HSP90AA1: variants seen among roughly 807,000 people sequenced by gnomAD.
The protein encoded by HSP90AA1 is heat shock protein HSP 90-alpha.
HSP90AA1 carries 18 observed loss-of-function variants against 73.3 expected under a neutral mutation model. The observed-to-expected ratio is 0.25, with a 90% CI of 0.17 to 0.36. HSP90AA1 has a LOEUF of 0.36. Ranked by LOEUF, HSP90AA1 falls within the 10% of genes least tolerant of loss-of-function variation. The pLI is 1.00. For synonymous variants in HSP90AA1, 477 were observed against 296.9 expected, an observed-to-expected ratio of 1.61 and a Z score of -6.24; for missense variants, 704 against 874.2, an observed-to-expected ratio of 0.81 and a Z score of 2.45.
chr14:102,086,851 AAGCGCGGCCGCCCGGG>A (rs1294107601), intron 1 of HSP90AA1, 119 bp downstream of exon 1: 157 of 394,058 alleles, frequency 4.0e-4, no homozygotes, highest in Non-Finnish European at 5.3e-4. Context: ...CCGGAATAGA[AAGCGCGGCCGCCCGGG>A]AGCGCGGCCC....
At chr14:102,090,026 C>T (rs2049332757), upstream of HSP90AA1, among the ~76,000 whole-genome samples, 1 of 152,150 alleles carries the variant, frequency 6.6e-6, no homozygotes, top group South Asian at 2.1e-4. Context: ...TAGCTGACTT[C>T]CCATCCTTCT....
At chr14:102,100,931 G>A (rs1244458729) in intron 2 of HSP90AA1, among the ~76,000 whole-genome samples, 5 of 152,126 alleles carry the variant, frequency 3.3e-5, no homozygotes, top group Admixed American at 2.0e-4. Flanking sequence ...ATGGCGGGAC[G>A]GGCTCTAATG....
At chr14:102,087,241 G>C (rs1275988344), upstream of HSP90AA1, 3 of 853,408 alleles carry the variant, frequency 3.5e-6, no homozygotes, top group Non-Finnish European at 4.2e-6. Flanking sequence ...CTCGTGGCCC[G>C]GCCCGGGCAA....
chr14:102,123,269 C>T (rs915481034), intron 1 of HSP90AA1, among the ~76,000 whole-genome samples: 2 of 151,850 alleles, frequency 1.3e-5, no homozygotes, highest in South Asian at 4.2e-4. Flanking sequence ...GGTGGTAGGC[C>T]CCTGTAATCC....
rs1158421311 is a variant in HSP90AA1, at chr14:102,081,758, G to A, written c.2153C>T (p.Pro718Leu). ...TSAAVTEEMP[P>L]LEGDDDTSRM... ...TGATGTGTCGTCATCTCCTTCAAGGGGTGGCATTTCTTCAGTTACAGCAGC... is the reference window on the plus strand; with the variant it reads ...TGATGTGTCGTCATCTCCTTCAAGGAGTGGCATTTCTTCAGTTACAGCAGC... The change falls in exon 11 of 11, where the codon CCC becomes CTC. Residue 718 changes from proline (P) to leucine (L), a missense_variant. Transcript: ENST00000216281. 9 of 1,597,700 alleles carry A rather than the reference G, an allele frequency of 5.6e-6. No individual in the cohort carries two copies. The highest frequency in any genetic ancestry group is 7.7e-6 in the Non-Finnish European group (9 of 1,165,130).
At chr14:102,093,483 CAAAA>C (rs567516713) in intron 2 of HSP90AA1, among the ~76,000 whole-genome samples, 3 of 82,218 alleles carry the variant, frequency 3.6e-5, no homozygotes, top group African/African-American at 3.9e-5. Context: ...GACTCCGTCT[CAAAA>C]AAAAAAAAAA....
At chr14:102,131,717 GA>G (rs2049908883) in intron 1 of HSP90AA1, among the ~76,000 whole-genome samples, 1 of 152,124 alleles carries the variant, frequency 6.6e-6, no homozygotes, top group Admixed American at 6.5e-5. Flanking sequence ...CAACATATTT[GA>G]AACTGCAAAT....
intron 1 of HSP90AA1, among the ~76,000 whole-genome samples, chr14:102,118,383 AATGTCTCCCC>A (rs143449975): frequency 0.017 from 2,630 of 152,116 alleles, 81 homozygotes; most frequent in African/African-American, 0.061. Flanking sequence ...TGAGATTAAA[AATGTCTCCCC>A]TTCATTACTT....
rs146401154 is a variant in HSP90AA1, at chr14:102,134,453, C to G, written c.155+4797G>C. ...TCAGGAATTGGTGGGTTCTTGGTCTCACTGACTTCAAGAATGAAGCCGCGG... is the reference window on the plus strand; with the variant it reads ...TCAGGAATTGGTGGGTTCTTGGTCTGACTGACTTCAAGAATGAAGCCGCGG... On this transcript the variant is annotated intron_variant, in intron 1 of 11. Transcript: ENST00000334701. Among the ~76,000 whole-genome samples, 5 of 152,062 alleles carry G rather than the reference C, an allele frequency of 3.3e-5. No homozygotes were observed. The East Asian group carries it at 9.7e-4, about 29-fold the overall frequency.
At chr14:102,097,554 C>G (rs1016572534) in intron 2 of HSP90AA1, among the ~76,000 whole-genome samples, 1 of 152,062 alleles carries the variant, frequency 6.6e-6, no homozygotes, top group Non-Finnish European at 1.5e-5. Flanking sequence ...TGAGTCCCCC[C>G]AAGGGCAACC....
intron 1 of HSP90AA1, among the ~76,000 whole-genome samples, chr14:102,107,308 G>C (rs1054362590): frequency 6.6e-6 from 1 of 151,616 alleles, no homozygotes; most frequent in Admixed American, 6.6e-5. Flanking sequence ...CTTCTTTCTT[G>C]GTTTAGCCCG....
At chr14:102,129,437 C>T (rs1454542580) in intron 1 of HSP90AA1, among the ~76,000 whole-genome samples, 2 of 151,926 alleles carry the variant, frequency 1.3e-5, no homozygotes, top group African/African-American at 4.8e-5. Context: ...GCAGTCACGA[C>T]TCCTTCCCTG....
chr14:102,094,752 CA>C (rs1409383788), intron 2 of HSP90AA1, among the ~76,000 whole-genome samples: 2 of 152,136 alleles, frequency 1.3e-5, no homozygotes, highest in South Asian at 2.1e-4. Flanking sequence ...CAGAGGTAGG[CA>C]GGGGCCAAGG....
chr14:102,084,915 CTCT>C lies in HSP90AA1; in HGVS notation c.744_746del (p.Glu249del), dbSNP rs761025253. ...TTTCAGGTTTGTCTTCCGACTCTTTCTCTTCTTTTTCTTTTTCTTCTTCTTTGT... is the reference window on the plus strand; with the variant it reads ...TTTCAGGTTTGTCTTCCGACTCTTTCTCTTTTTCTTTTTCTTCTTCTTTGT... On this transcript the variant is annotated inframe_deletion, in exon 5 of 11. Transcript: ENST00000216281. The C allele has an allele frequency of 1.2e-4, 182 of 1,581,128 alleles. 2 individuals carry two copies. Among genetic ancestry groups the C allele is most frequent in the South Asian group, 9.1e-4 (82 of 90,422 alleles).
At chr14:102,132,645 T>A (rs1324260030) in intron 1 of HSP90AA1, among the ~76,000 whole-genome samples, 1 of 152,010 alleles carries the variant, frequency 6.6e-6, no homozygotes, top group African/African-American at 2.4e-5. Context: ...AAAGGTAGCA[T>A]ATATGTAAAA....
At chr14:102,124,453 A>G (rs1434508772) in intron 1 of HSP90AA1, among the ~76,000 whole-genome samples, 1 of 152,138 alleles carries the variant, frequency 6.6e-6, no homozygotes, top group African/African-American at 2.4e-5. Flanking sequence ...CTGGCTTCCC[A>G]AAGTGCTGGG....
At chr14:102,101,623 C>T (rs1320692826) in intron 2 of HSP90AA1, among the ~76,000 whole-genome samples, 3 of 152,206 alleles carry the variant, frequency 2.0e-5, no homozygotes, top group African/African-American at 4.8e-5. Context: ...GTCATATATG[C>T]GCTATAGCCC....
At chr14:102,135,429 T>C (rs1354416655) in intron 1 of HSP90AA1, among the ~76,000 whole-genome samples, 1 of 152,270 alleles carries the variant, frequency 6.6e-6, no homozygotes, top group Non-Finnish European at 1.5e-5. Flanking sequence ...TGCTGATTGG[T>C]GTGAGCCCAG....
At chr14:102,084,019 C>G in intron 6 of HSP90AA1, 36 bp from the exon 7 acceptor site, 1 of 1,509,806 alleles carries the variant, frequency 6.6e-7, no homozygotes, top group Non-Finnish European at 9.2e-7. Flanking sequence ...CTGAGTCATT[C>G]CAAGGACAAA....
Sources: allele counts gnomAD v4.1 joint callset (sites outside exome capture counted in the v4.1 genomes callset), GRCh38; gene constraint gnomAD v4.1.1; transcripts MANE v1.5; gene names NCBI Gene and HGNC (gene_info 2026-07-23, HGNC 2026-07-21).